The following ABCB4 variants were observed in gnomAD, a reference collection of about 807,000 sequenced individuals.
ABCB4 encodes the protein ATP binding cassette subfamily B member 4, also known as phosphatidylcholine translocator ABCB4.
A neutral mutation model predicts 145.7 loss-of-function variants in ABCB4; 76 were observed. That is an observed-to-expected ratio of 0.52 (90% CI 0.43 to 0.63). ABCB4 has a LOEUF of 0.63. Ranked by LOEUF, ABCB4 falls within the 30% of genes least tolerant of loss-of-function variation. The pLI is 0.00. For synonymous variants in ABCB4, 517 were observed against 566.8 expected, an observed-to-expected ratio of 0.91 and a Z score of 1.25; for missense variants, 1,234 against 1,553.1, an observed-to-expected ratio of 0.79 and a Z score of 3.45.
At chr7:87,426,724 C>CTTAAT (rs1809839370) in intron 16 of ABCB4, 26 bp downstream of exon 16, 18 of 1,607,296 alleles carry the variant, frequency 1.1e-5, no homozygotes, top group Non-Finnish European at 1.5e-5. Flanking sequence ...AAGTAAAAGA[C>CTTAAT]TTAATTTAAG....
At position 87,465,175 on chromosome 7, in the gene ABCB4, C is replaced by T. The variant is rs188857893; in HGVS notation, c.136-2267G>A. On this transcript the variant is annotated intron_variant, in intron 3 of 27. Coordinates refer to ENST00000649586, the MANE Select transcript of ABCB4 (RefSeq NM_000443.4). Reference sequence around the variant, plus strand: ...ACCTGGAAAATCGGGTCACTCTCACCCTAATACTGCGCTTTTCCAATGGTC... The same window carrying T: ...ACCTGGAAAATCGGGTCACTCTCACTCTAATACTGCGCTTTTCCAATGGTC... 4.6e-5 allele frequency among the ~76,000 whole-genome samples: 7 copies of T among 152,306 alleles called. No individual in the cohort carries two copies. In the East Asian group the frequency reaches 1.3e-3, roughly 29 times the overall value.
Position 87,453,124 on chromosome 7 carries a change from T to A in ABCB4, c.356A>T (p.Tyr119Phe). Reference sequence around the variant, plus strand: ...AACTCCAGCACCCAATCCTGAGTAGTAATATGCATATCTGAAAAAAAAGAG... The same window carrying A: ...AACTCCAGCACCCAATCCTGAGTAGAAATATGCATATCTGAAAAAAAAGAG... ...LEEEMTRYAY[Y>F]YSGLGAGVLV... The change falls in exon 6 of 28, where the codon TAC (tyrosine) becomes TTC (phenylalanine). Residue 119 changes from tyrosine to phenylalanine, a missense_variant. Physicochemically the swap from Tyr to Phe is conservative, Grantham distance 22 (BLOSUM62 3). Transcript: ENST00000649586. The A allele has an allele frequency of 6.2e-7, 1 of 1,613,954 alleles. No individual in the cohort carries two copies. The highest frequency in any genetic ancestry group is 8.5e-7 in the Non-Finnish European group (1 of 1,179,896).
the ABCB4 span, among the ~76,000 whole-genome samples, chr7:87,393,816 C>T: frequency 1.3e-5 from 2 of 152,094 alleles, no homozygotes; most frequent in Non-Finnish European, 2.9e-5. Flanking sequence ...ATACAACTGA[C>T]CCTTGAACAA....
At chr7:87,454,015 A>C (rs1179168192) in intron 5 of ABCB4, among the ~76,000 whole-genome samples, 1 of 152,230 alleles carries the variant, frequency 6.6e-6, no homozygotes, top group Non-Finnish European at 1.5e-5. Flanking sequence ...GTAGAAAGTT[A>C]GTATTTTAAA....
chr7:87,407,569 C>T (rs1048246011), intron 25 of ABCB4, among the ~76,000 whole-genome samples: 3 of 152,114 alleles, frequency 2.0e-5, no homozygotes, highest in Admixed American at 1.3e-4. Context: ...AAATCAATGA[C>T]AAAAGCCAAA....
the ABCB4 span, among the ~76,000 whole-genome samples, chr7:87,372,077 C>A: frequency 6.7e-6 from 1 of 149,718 alleles, no homozygotes; most frequent in African/African-American, 2.5e-5. Flanking sequence ...CATTGTTGTT[C>A]GAATTGGCAT....
At chr7:87,402,503 T>C (rs1381960617) in intron 27 of ABCB4, among the ~76,000 whole-genome samples, 1 of 152,210 alleles carries the variant, frequency 6.6e-6, no homozygotes, top group African/African-American at 2.4e-5. Flanking sequence ...ATAACACAAA[T>C]GGGTTCCCAT....
At chr7:87,423,830 A>T in intron 17 of ABCB4, 76 bp downstream of exon 17, 1 of 1,576,162 alleles carries the variant, frequency 6.3e-7, no homozygotes, top group Non-Finnish European at 8.7e-7. Flanking sequence ...GAATGGAGCC[A>T]GTCAGTGAGG....
rs970166316 is a variant in ABCB4 at position 87,417,340 on chromosome 7, T to A, written c.2654A>T (p.Asp885Val). 1 of 1,614,108 alleles carries A rather than the reference T, an allele frequency of 6.2e-7. No individual in the cohort carries two copies. The highest frequency in any genetic ancestry group is 8.5e-7 in the Non-Finnish European group (1 of 1,179,976). ...MKLLAGNAKR[D>V]KKELEAAGKI... ...TCCAGCAGCTTCCAGTTCTTTTTTA[T>A]CTCTTTTGGCATTTCCAGCCAACAA... The change falls in exon 21 of 28, where the codon GAT (aspartate) becomes GTT (valine). Residue 885 changes from aspartate to valine, a missense_variant. Physicochemically the swap from Asp to Val is radical, Grantham distance 152 (BLOSUM62 -3). Coordinates refer to ENST00000649586, the MANE Select transcript of ABCB4 (RefSeq NM_000443.4).
chr7:87,439,558 A>G, intron 14 of ABCB4, 109 bp downstream of exon 14: 3 of 1,238,040 alleles, frequency 2.4e-6, no homozygotes, highest in Non-Finnish European at 2.4e-6. Context: ...TCCATGAGGT[A>G]GCTCCATTTG....
intron 4 of ABCB4, among the ~76,000 whole-genome samples, chr7:87,454,857 C>A (rs1475752260): frequency 6.6e-6 from 1 of 152,142 alleles, no homozygotes; most frequent in Non-Finnish European, 1.5e-5. Flanking sequence ...CCCATCCTGG[C>A]GGTCTCAGCC....
chr7:87,372,986 T>TA, the ABCB4 span, among the ~76,000 whole-genome samples: 1 of 152,068 alleles, frequency 6.6e-6, no homozygotes, highest in Non-Finnish European at 1.5e-5. Context: ...TTCTCTTGGG[T>TA]ATATTTTAGG....
At position 87,439,844 on chromosome 7, in the gene ABCB4, C is replaced by T. The variant is rs756156640; in HGVS notation, c.1561-7G>A. The T allele has an allele frequency of 5.6e-6, 9 of 1,614,126 alleles. No individual in the cohort carries two copies. Among genetic ancestry groups the T allele is most frequent in the Non-Finnish European group, 7.6e-6 (9 of 1,180,016 alleles). ...CAACCAGGGTGTCAAATTTCTAACA[C>T]AGAAAACATGGATCAGCTCTTGAAG... is the stretch of plus-strand genomic sequence containing the variant. On this transcript the variant is annotated splice_polypyrimidine_tract_variant and splice_region_variant and intron_variant, in intron 13 of 27. Transcript: ENST00000649586.
chr7:87,459,585 A>ATT (rs946539878), intron 4 of ABCB4, among the ~76,000 whole-genome samples: 1 of 150,142 alleles, frequency 6.7e-6, no homozygotes, highest in Non-Finnish European at 1.5e-5. Flanking sequence ...GCCATTTAAA[A>ATT]TTTTTTTTTT....
chr7:87,407,664 G>A (rs953620293), intron 25 of ABCB4, among the ~76,000 whole-genome samples: 4 of 152,194 alleles, frequency 2.6e-5, no homozygotes, highest in Non-Finnish European at 4.4e-5. Context: ...AACTGAAAGC[G>A]GTGGGGAGGC....
chr7:87,375,075 T>C, the ABCB4 span, among the ~76,000 whole-genome samples: 1 of 152,032 alleles, frequency 6.6e-6, no homozygotes, highest in African/African-American at 2.4e-5. Context: ...AGTTTATCCT[T>C]AGCTAATAGA....
chr7:87,457,967 A>G (rs45576234), intron 4 of ABCB4, among the ~76,000 whole-genome samples: 2,305 of 152,174 alleles, frequency 0.015, 61 homozygotes, highest in African/African-American at 0.052. Flanking sequence ...CAAACAATCC[A>G]ATTATGTACT....
chr7:87,382,428 A>T, the ABCB4 span: 1 of 1,613,548 alleles, frequency 6.2e-7, no homozygotes, highest in South Asian at 1.1e-5. Flanking sequence ...TGATCTACAG[A>T]TTGCGGCTTA....
At chr7:87,440,032 C>T (rs1459162771) in intron 13 of ABCB4, among the ~76,000 whole-genome samples, 167 bp downstream of exon 13, 2 of 152,194 alleles carry the variant, frequency 1.3e-5, no homozygotes, top group Non-Finnish European at 2.9e-5. Context: ...TAATCATCTA[C>T]CATGCTATAA....
Sources: allele counts gnomAD v4.1 joint callset (sites outside exome capture counted in the v4.1 genomes callset), GRCh38; gene constraint gnomAD v4.1.1; transcripts MANE v1.5; gene names NCBI Gene and HGNC (gene_info 2026-07-23, HGNC 2026-07-21).